Variants in ARHGAP24 observed in about 807,000 individuals in gnomAD.
ARHGAP24 encodes the protein Rho GTPase activating protein 24.
A neutral mutation model predicts 76.4 loss-of-function variants in ARHGAP24; 50 were observed. That is an observed-to-expected ratio of 0.65 (90% confidence interval 0.52 to 0.83). The LOEUF is 0.83. Among genes scored for constraint, ARHGAP24 ranks in the 40% least tolerant of loss-of-function variants. The pLI is 0.00. For missense variants in ARHGAP24, 930 were observed against 914.2 expected (o/e 1.02, Z -0.22); for synonymous variants, 345 against 323.3 (o/e 1.07, Z -0.72).
chr4:85,756,151 A>G (rs540794758), intron 3 of ARHGAP24, among the ~76,000 whole-genome samples: 1 of 152,224 alleles, frequency 6.6e-6, no homozygotes, highest in African/African-American at 2.4e-5. Context: ...ATATCTTACA[A>G]TAGATTACAA....
chr4:85,817,312 G>C (rs534129526), intron 3 of ARHGAP24, among the ~76,000 whole-genome samples: 2 of 152,100 alleles, frequency 1.3e-5, no homozygotes, highest in African/African-American at 4.8e-5. Flanking sequence ...GCTTTATAAG[G>C]AGTGATATCC....
At chr4:85,857,330 T>C (rs984619798) in intron 3 of ARHGAP24, among the ~76,000 whole-genome samples, 4 of 152,198 alleles carry the variant, frequency 2.6e-5, no homozygotes, top group Admixed American at 2.6e-4. Context: ...CCTTGTCATG[T>C]ATATAAAAGT....
chr4:85,945,728 C>A (rs1021899149), intron 5 of ARHGAP24, among the ~76,000 whole-genome samples: 2 of 148,384 alleles, frequency 1.3e-5, no homozygotes, highest in Admixed American at 1.3e-4. Context: ...CCACTGCACT[C>A]CAGCCTGGGC....
At chr4:85,965,355 C>G (rs1280057585) in intron 5 of ARHGAP24, among the ~76,000 whole-genome samples, 1 of 152,098 alleles carries the variant, frequency 6.6e-6, no homozygotes, top group Non-Finnish European at 1.5e-5. Context: ...TCATCTCACA[C>G]TGGGTCCCTC....
In ARHGAP24 at chr4:85,827,888, G is replaced by A. The variant is rs922682203; in HGVS notation, c.269-95760G>A. ...AGTTGGGCTCGAATGTGCTTTAAGC[G>A]ACTCAGGACAGAGCAGCTGCTCTGT... On this transcript the variant is annotated intron_variant, in intron 3 of 9. Transcript: ENST00000395184. 7.0e-6 allele frequency: 9 copies of A among 1,289,034 alleles called. No individual in the cohort carries two copies. The African/African-American group carries it at 1.2e-4, about 17-fold the overall frequency. 79.8% of individuals were successfully genotyped at this position (1,289,034 alleles called of 1,614,324 possible).
At chr4:85,948,524 A>G (rs181796160) in intron 5 of ARHGAP24, among the ~76,000 whole-genome samples, 1 of 152,296 alleles carries the variant, frequency 6.6e-6, no homozygotes, top group Admixed American at 6.5e-5. Flanking sequence ...ATTTTAGGAT[A>G]CCTGTAAGAA....
chr4:85,562,877 TG>T (rs1231189672), intron 1 of ARHGAP24, among the ~76,000 whole-genome samples: 2 of 152,188 alleles, frequency 1.3e-5, no homozygotes, highest in African/African-American at 4.8e-5. Context: ...GAACTATCAT[TG>T]TTACCGTAGG....
intron 1 of ARHGAP24, among the ~76,000 whole-genome samples, chr4:85,534,661 G>T (rs1725395120): frequency 6.6e-6 from 1 of 152,156 alleles, no homozygotes; most frequent in South Asian, 2.1e-4. Context: ...AGGGTAGCAA[G>T]CTAGTCCCCA....
chr4:85,913,519 G>A (rs185267137), intron 3 of ARHGAP24, among the ~76,000 whole-genome samples: 3 of 151,656 alleles, frequency 2.0e-5, no homozygotes, highest in Admixed American at 2.0e-4. Context: ...GTATTACCTG[G>A]GGATCTCATT....
intron 1 of ARHGAP24, among the ~76,000 whole-genome samples, chr4:85,495,595 G>A (rs924078988): frequency 2.0e-5 from 3 of 151,768 alleles, no homozygotes; most frequent in African/African-American, 4.8e-5. Flanking sequence ...CTGGTGATCC[G>A]CCCGCCTCGG....
At chr4:85,911,381 A>G (rs1735073276) in intron 3 of ARHGAP24, among the ~76,000 whole-genome samples, 1 of 152,160 alleles carries the variant, frequency 6.6e-6, no homozygotes, top group Non-Finnish European at 1.5e-5. Context: ...TCAATAATAC[A>G]TAACCAAAAA....
At chr4:85,632,424 A>T (rs759036554) in intron 2 of ARHGAP24, among the ~76,000 whole-genome samples, 56 of 152,034 alleles carry the variant, frequency 3.7e-4, no homozygotes, top group Non-Finnish European at 2.1e-4. Flanking sequence ...AACAATAAAG[A>T]GAGATGCTTG....
chr4:85,501,855 G>T (rs947947568), intron 1 of ARHGAP24, among the ~76,000 whole-genome samples: 27 of 151,858 alleles, frequency 1.8e-4, no homozygotes, highest in African/African-American at 4.8e-4. Context: ...TATGGTTTTA[G>T]GTCTAACATT....
At chr4:85,852,400 CT>C (rs1299700619) in intron 3 of ARHGAP24, among the ~76,000 whole-genome samples, 3 of 152,262 alleles carry the variant, frequency 2.0e-5, no homozygotes, top group Admixed American at 2.0e-4. Context: ...GAATATCCTC[CT>C]TTAGCTCAGA....
intron 1 of ARHGAP24, among the ~76,000 whole-genome samples, chr4:85,521,848 G>A (rs958415116): frequency 2.0e-5 from 3 of 152,146 alleles, no homozygotes; most frequent in Admixed American, 6.5e-5. Flanking sequence ...AGAGGCCAAT[G>A]TAGTTATTTA....
chr4:85,613,724 G>A (rs1024091662), intron 2 of ARHGAP24, among the ~76,000 whole-genome samples: 2 of 152,110 alleles, frequency 1.3e-5, no homozygotes, highest in Non-Finnish European at 2.9e-5. Context: ...AGTTTACTAA[G>A]TATATTTTCT....
At chr4:85,856,111 C>T (rs1426469069) in intron 3 of ARHGAP24, among the ~76,000 whole-genome samples, 1 of 152,100 alleles carries the variant, frequency 6.6e-6, no homozygotes, top group Non-Finnish European at 1.5e-5. Flanking sequence ...CATGTTCTTG[C>T]CATCATTTGA....
chr4:85,828,933 G>A (rs918716054), intron 3 of ARHGAP24, among the ~76,000 whole-genome samples: 11 of 151,982 alleles, frequency 7.2e-5, no homozygotes, highest in African/African-American at 2.7e-4. Context: ...GTAAGTAGAA[G>A]AAGAAAAAGA....
intron 3 of ARHGAP24, among the ~76,000 whole-genome samples, chr4:85,785,106 C>G (rs769397324): frequency 1.2e-4 from 18 of 152,096 alleles, no homozygotes; most frequent in Non-Finnish European, 2.5e-4. Context: ...TGAGGTCCAG[C>G]TTTGGTGCAT....
Sources: allele counts gnomAD v4.1 joint callset (sites outside exome capture counted in the v4.1 genomes callset), GRCh38; gene constraint gnomAD v4.1.1; transcripts MANE v1.5; gene names NCBI Gene and HGNC (gene_info 2026-07-23, HGNC 2026-07-21).